IMPG1: variants seen among roughly 807,000 people sequenced by gnomAD.
IMPG1 encodes interphotoreceptor matrix proteoglycan 1.
IMPG1 carries 85 observed loss-of-function variants against 92.0 expected under a neutral mutation model. The ratio of observed to expected loss-of-function variants is 0.92; its 90% confidence interval spans 0.78 to 1.11. The LOEUF (loss-of-function observed/expected upper bound fraction) is 1.11, where lower values mean the gene tolerates loss of function less well. Among genes scored for constraint, IMPG1 ranks in the 50% least tolerant of loss-of-function variants. The pLI, the probability that IMPG1 is intolerant of heterozygous loss-of-function variation, is 0.00. For synonymous variants in IMPG1, 367 were observed against 334.1 expected (o/e 1.10, Z -1.08); for missense variants, 1,022 against 956.0 (o/e 1.07, Z -0.91).
chr6:76,019,936 T>C (rs567887668), intron 6 of IMPG1, among the ~76,000 whole-genome samples: 6 of 152,338 alleles, frequency 3.9e-5, no homozygotes, highest in African/African-American at 1.4e-4. Flanking sequence ...AGATGAGTTG[T>C]CTTAGAAATT....
At chr6:75,923,144 ATATTT>A (rs1781458014) in intron 16 of IMPG1, among the ~76,000 whole-genome samples, 3 of 152,238 alleles carry the variant, frequency 2.0e-5, no homozygotes, top group African/African-American at 7.2e-5. Context: ...GATTAAGTGA[ATATTT>A]TAAGAGATGT....
chr6:76,067,472 T>C (rs1412105168), intron 1 of IMPG1, among the ~76,000 whole-genome samples: 1 of 151,906 alleles, frequency 6.6e-6, no homozygotes, highest in Non-Finnish European at 1.5e-5. Context: ...ATACAACTTC[T>C]CAAGGTTGAA....
intron 1 of IMPG1, among the ~76,000 whole-genome samples, chr6:76,060,833 T>TCACACTCAGTG (rs1784193208): frequency 6.6e-6 from 1 of 152,128 alleles, no homozygotes; most frequent in East Asian, 1.9e-4. Context: ...TGTGATACTT[T>TCACACTCAGTG]ATAATATAGT....
At chr6:76,064,618 C>A (rs367633685) in intron 1 of IMPG1, among the ~76,000 whole-genome samples, 97 of 152,184 alleles carry the variant, frequency 6.4e-4, no homozygotes, top group African/African-American at 2.3e-3. Context: ...TTGGGGTATC[C>A]AAGGGTGGGC....
At chr6:75,997,217 C>T (rs1562363650) in intron 12 of IMPG1, among the ~76,000 whole-genome samples, 1 of 152,102 alleles carries the variant, frequency 6.6e-6, no homozygotes, top group Non-Finnish European at 1.5e-5. Flanking sequence ...TTCTTGTAGA[C>T]CTCTCTGAAT....
intron 12 of IMPG1, among the ~76,000 whole-genome samples, chr6:75,956,010 T>C (rs954131085): frequency 6.6e-6 from 1 of 152,232 alleles, no homozygotes. Context: ...GTCCGGATTT[T>C]ATTGAGGATT....
chr6:75,973,676 C>T (rs1000271223), intron 12 of IMPG1, among the ~76,000 whole-genome samples: 1 of 152,202 alleles, frequency 6.6e-6, no homozygotes, highest in Non-Finnish European at 1.5e-5. Context: ...TCAGGGCACA[C>T]AATCAGACTC....
At chr6:76,000,487 A>T (rs774456080) in intron 12 of IMPG1, among the ~76,000 whole-genome samples, 20 of 152,224 alleles carry the variant, frequency 1.3e-4, no homozygotes, top group Admixed American at 2.0e-4. Flanking sequence ...GTAAATCGCT[A>T]TAAATCTTTT....
intron 13 of IMPG1, 128 bp from the exon 14 acceptor site, chr6:75,947,661 T>C (rs1223818608): frequency 8.6e-6 from 6 of 696,848 alleles, no homozygotes; most frequent in Non-Finnish European, 1.4e-5. Context: ...TTGATTTTTG[T>C]TTTTGGATTT....
At chr6:75,922,629 A>G (rs928648601) in intron 16 of IMPG1, among the ~76,000 whole-genome samples, 72 of 152,090 alleles carry the variant, frequency 4.7e-4, no homozygotes, top group African/African-American at 1.5e-3. Flanking sequence ...ACTTCCTTTT[A>G]TTTATTTGAA....
chr6:75,982,749 T>C (rs995990662), intron 12 of IMPG1, among the ~76,000 whole-genome samples: 2 of 152,026 alleles, frequency 1.3e-5, no homozygotes, highest in Non-Finnish European at 2.9e-5. Flanking sequence ...ATTTTAACTA[T>C]GGTTTGAAGA....
chr6:76,060,205 A>G (rs978693023), intron 1 of IMPG1, among the ~76,000 whole-genome samples: 19 of 152,230 alleles, frequency 1.2e-4, no homozygotes, highest in African/African-American at 4.3e-4. Flanking sequence ...AAAGGCACAC[A>G]GAAAGACATT....
At chr6:76,055,575 A>G (rs1406895114) in intron 1 of IMPG1, among the ~76,000 whole-genome samples, 1 of 151,826 alleles carries the variant, frequency 6.6e-6, no homozygotes, top group Non-Finnish European at 1.5e-5. Flanking sequence ...TGTGAAAGAG[A>G]TCATAAATAT....
chr6:76,066,129 A>G (rs917292879), intron 1 of IMPG1, among the ~76,000 whole-genome samples: 21 of 152,136 alleles, frequency 1.4e-4, no homozygotes, highest in Non-Finnish European at 2.4e-4. Flanking sequence ...AACAAACATA[A>G]ATACAATACA....
At chr6:75,924,738 A>ATATAAT (rs1321983769) in intron 15 of IMPG1, among the ~76,000 whole-genome samples, 1 of 65,548 alleles carries the variant, frequency 1.5e-5, no homozygotes, top group African/African-American at 6.1e-5. Flanking sequence ...TATATATAAT[A>ATATAAT]TATAATATAT....
intron 12 of IMPG1, among the ~76,000 whole-genome samples, chr6:75,960,039 A>G (rs1245715599): frequency 6.6e-6 from 1 of 152,180 alleles, no homozygotes; most frequent in East Asian, 1.9e-4. Flanking sequence ...TGTGAAGACC[A>G]TGGGAAAAGC....
At chr6:75,993,066 T>C (rs1782840688) in intron 12 of IMPG1, among the ~76,000 whole-genome samples, 1 of 152,228 alleles carries the variant, frequency 6.6e-6, no homozygotes, top group South Asian at 2.1e-4. Context: ...TACTGAGGTC[T>C]CTTGTGAACT....
intron 1 of IMPG1, among the ~76,000 whole-genome samples, chr6:76,054,010 C>A (rs1346302015): frequency 6.6e-6 from 1 of 152,062 alleles, no homozygotes. Flanking sequence ...TCAGTTCCTG[C>A]AGAAAAGTAA....
intron 1 of IMPG1, among the ~76,000 whole-genome samples, chr6:76,055,754 T>C (rs1335026505): frequency 6.6e-6 from 1 of 152,020 alleles, no homozygotes; most frequent in Non-Finnish European, 1.5e-5. Context: ...AAATGTTCTA[T>C]AAACATAAAA....
Sources: gnomAD v4.1 joint callset for allele counts (sites outside exome capture counted in the v4.1 genomes callset) on GRCh38, gnomAD v4.1.1 for gene constraint, MANE v1.5 for transcripts, NCBI Gene and HGNC (gene_info 2026-07-23, HGNC 2026-07-21) for gene names.